The following TENM2 variants were observed in gnomAD, a reference collection of about 807,000 sequenced individuals.
TENM2 encodes the protein teneurin transmembrane protein 2.
In TENM2, 52 loss-of-function variants were observed where a neutral mutation model predicts 245.2. That is an observed-to-expected ratio of 0.21 (90% CI 0.17 to 0.27). TENM2 has a LOEUF of 0.27. TENM2 is among the 10% of genes least tolerant of loss of function. TENM2 has a pLI of 1.00. For missense variants in TENM2, 3,046 were observed against 3,666.8 expected, an observed-to-expected ratio of 0.83 and a Z score of 4.37; for synonymous variants, 1,363 against 1,438.9, an observed-to-expected ratio of 0.95 and a Z score of 1.19.
the TENM2 span, among the ~76,000 whole-genome samples, chr5:167,007,431 T>C: frequency 6.6e-6 from 1 of 152,208 alleles, no homozygotes; most frequent in African/African-American, 2.4e-5. The surrounding 1 kb of genome is among the most constrained non-coding windows in gnomAD (Gnocchi z 4.2). Flanking sequence ...GCTTACCTTA[T>C]AAATGCAATG....
At chr5:167,177,546 A>G in the TENM2 span, among the ~76,000 whole-genome samples, 1 of 152,218 alleles carries the variant, frequency 6.6e-6, no homozygotes, top group Non-Finnish European at 1.5e-5. Context: ...TTCTTAGATC[A>G]GGTATTAGAA....
intron 5 of TENM2, among the ~76,000 whole-genome samples, chr5:168,030,158 CTTTTTTTTTTTT>C (rs540326142): frequency 0.25 from 16,210 of 65,288 alleles, 1,540 homozygotes; most frequent in Admixed American, 0.39. Flanking sequence ...GGTTCTGGCT[CTTTTTTTTTTTT>C]TTTTTTTTTT....
chr5:167,586,256 A>G (rs930517795), intron 2 of TENM2, among the ~76,000 whole-genome samples: 1 of 152,236 alleles, frequency 6.6e-6, no homozygotes, highest in Non-Finnish European at 1.5e-5. Flanking sequence ...TTTAAAGTAT[A>G]TGGGAGGAAG....
chr5:167,980,550 G>A (rs536694106), intron 4 of TENM2, among the ~76,000 whole-genome samples: 1 of 152,260 alleles, frequency 6.6e-6, no homozygotes, highest in African/African-American at 2.4e-5. Flanking sequence ...AGCAGAGCAC[G>A]GAGAGGTTAG....
At position 167,974,078 on chromosome 5, in the gene TENM2, GAAGGAAGGAAGGGAAGGAAGGA is replaced by G. The variant is rs1782081988; in HGVS notation, c.948-18864_948-18843del. On this transcript the variant is annotated intron_variant, in intron 4 of 28. Coordinates refer to ENST00000518659, the Ensembl canonical transcript of TENM2. ...GGAAAGGAGGGAGGGAGGGAGGAAG[GAAGGAAGGAAGGGAAGGAAGGA>G]AGGGAGGAAAGGAGGGAGGAAGGAA... is the stretch of plus-strand genomic sequence containing the variant. Among the ~76,000 whole-genome samples the G allele has an allele frequency of 2.2e-4, 2 of 9,062 alleles. 1 individual carries two copies. Among genetic ancestry groups the G allele is most frequent in the Admixed American group, 3.4e-3 (2 of 586 alleles). The allele number at this position is 9,062 out of a possible 152,430, so 5.9% of individuals were successfully genotyped here. A position where few individuals can be genotyped will look rare whatever the true frequency, so the allele number is the denominator to read the frequency against.
At chr5:168,241,760 G>A (rs1324838834) in intron 25 of TENM2, among the ~76,000 whole-genome samples, 1 of 152,146 alleles carries the variant, frequency 6.6e-6, no homozygotes, top group Non-Finnish European at 1.5e-5. Context: ...AAGTGAAAAT[G>A]GGATCAGGTA....
chr5:167,231,071 G>T, the TENM2 span, among the ~76,000 whole-genome samples: 1 of 152,150 alleles, frequency 6.6e-6, no homozygotes, highest in East Asian at 1.9e-4. Context: ...TGCCATGATT[G>T]TAAGTTTCCT....
chr5:167,701,837 C>T (rs1185610538), intron 2 of TENM2, among the ~76,000 whole-genome samples: 3 of 152,160 alleles, frequency 2.0e-5, no homozygotes, highest in Admixed American at 6.5e-5. Context: ...TAGTTTCTAA[C>T]TTTTCAGGTG....
At chr5:167,480,816 A>G (rs999786316) in intron 2 of TENM2, among the ~76,000 whole-genome samples, 4 of 152,204 alleles carry the variant, frequency 2.6e-5, no homozygotes, top group Non-Finnish European at 5.9e-5. Context: ...GAAATAACAC[A>G]TAAACATAAG....
At chr5:168,104,218 G>A (rs36001918) in intron 9 of TENM2, among the ~76,000 whole-genome samples, 42,614 of 151,812 alleles carry the variant, frequency 0.28, 6,486 homozygotes, top group East Asian at 0.6. Flanking sequence ...TCATAGAGAC[G>A]AGGTTTCACC....
intron 7 of TENM2, among the ~76,000 whole-genome samples, chr5:168,078,233 G>A (rs1057155755): frequency 6.6e-6 from 1 of 152,154 alleles, no homozygotes; most frequent in Non-Finnish European, 1.5e-5. Flanking sequence ...CTTCTTTTGA[G>A]AAGTGTCTGT....
At chr5:167,170,065 C>G in the TENM2 span, among the ~76,000 whole-genome samples, 1 of 152,216 alleles carries the variant, frequency 6.6e-6, no homozygotes, top group African/African-American at 2.4e-5. Context: ...CTCACACACA[C>G]TCCTGCTCAT....
At chr5:167,762,961 C>T (rs909239228) in intron 2 of TENM2, among the ~76,000 whole-genome samples, 1 of 152,084 alleles carries the variant, frequency 6.6e-6, no homozygotes, top group South Asian at 2.1e-4. Flanking sequence ...TTTTTCCCAC[C>T]CTTTATTCCT....
the TENM2 span, among the ~76,000 whole-genome samples, chr5:167,255,446 T>TA: frequency 3.3e-5 from 5 of 152,166 alleles, no homozygotes; most frequent in African/African-American, 1.2e-4. Context: ...GCTCCCCATG[T>TA]AAAAGCACTT....
chr5:167,156,039 G>A, the TENM2 span, among the ~76,000 whole-genome samples: 1 of 152,164 alleles, frequency 6.6e-6, no homozygotes, highest in African/African-American at 2.4e-5. Context: ...CAAATGAAGT[G>A]GTAGGACAAG....
At chr5:168,226,243 C>T in exon 24 of TENM2, 1 of 1,613,354 alleles carries the variant, frequency 6.2e-7, no homozygotes, top group African/African-American at 1.3e-5. Context: ...TCAGTAGAGG[C>T]CTCCTACACA....
At chr5:167,443,392 T>G (rs1374536088) in intron 2 of TENM2, among the ~76,000 whole-genome samples, 1 of 152,222 alleles carries the variant, frequency 6.6e-6, no homozygotes, top group Non-Finnish European at 1.5e-5. Flanking sequence ...CTATGCTTTC[T>G]TGTCCCACAA....
chr5:167,845,426 A>G (rs1420084837), intron 2 of TENM2, among the ~76,000 whole-genome samples: 1 of 152,170 alleles, frequency 6.6e-6, no homozygotes, highest in Admixed American at 6.5e-5. Context: ...AATCACCTTC[A>G]TTAATGTCGC....
intron 2 of TENM2, among the ~76,000 whole-genome samples, chr5:167,561,261 G>A (rs138144713): frequency 6.6e-6 from 1 of 152,264 alleles, no homozygotes; most frequent in East Asian, 1.9e-4. Flanking sequence ...CAATTACATT[G>A]CACATTTCAT....
Sources: allele counts gnomAD v4.1 joint callset (sites outside exome capture counted in the v4.1 genomes callset), GRCh38; gene constraint gnomAD v4.1.1; non-coding constraint Gnocchi (gnomAD v3.1); transcripts MANE v1.5; gene names NCBI Gene and HGNC (gene_info 2026-07-23, HGNC 2026-07-21).